The following FANCC variants were observed in gnomAD, a reference collection of about 807,000 sequenced individuals.
FANCC encodes FA complementation group C.
A neutral mutation model predicts 71.3 loss-of-function variants in FANCC; 55 were observed. The ratio of observed to expected loss-of-function variants is 0.77; its 90% CI spans 0.62 to 0.97. The LOEUF (loss-of-function observed/expected upper bound fraction) is 0.97. FANCC is among the 50% of genes least tolerant of loss of function. FANCC has a pLI of 0.00. For missense variants in FANCC, 678 were observed against 670.9 expected, an observed-to-expected ratio of 1.01 and a Z score of -0.12; for synonymous variants, 275 against 244.9, an observed-to-expected ratio of 1.12 and a Z score of -1.15.
intron 1 of FANCC, among the ~76,000 whole-genome samples, chr9:95,285,266 T>G (rs1343562344): frequency 1.3e-5 from 2 of 152,140 alleles, no homozygotes; most frequent in African/African-American, 2.4e-5. Flanking sequence ...GAGATAATAT[T>G]ATAAATTATT....
intron 3 of FANCC, among the ~76,000 whole-genome samples, chr9:95,245,570 T>C (rs767322066): frequency 2.6e-5 from 4 of 151,460 alleles, no homozygotes; most frequent in Admixed American, 1.3e-4. Flanking sequence ...CTACACTATA[T>C]TGTTACAGTT....
At chr9:95,109,666 T>C (rs2071752903) in intron 13 of FANCC, 1 of 152,238 alleles carries the variant, frequency 6.6e-6, no homozygotes. Context: ...TTTGCACCCA[T>C]GTTCTTCACC....
intron 7 of FANCC, among the ~76,000 whole-genome samples, chr9:95,147,795 G>T (rs1829761467): frequency 6.6e-6 from 1 of 152,160 alleles, no homozygotes; most frequent in Non-Finnish European, 1.5e-5. Flanking sequence ...ATGCAGATGT[G>T]ATAAATTAAT....
intron 7 of FANCC, among the ~76,000 whole-genome samples, chr9:95,137,578 G>C (rs796998639): frequency 3.3e-5 from 5 of 152,176 alleles, no homozygotes. Flanking sequence ...GAGAAGAAAT[G>C]ATTTCTGGAG....
chr9:95,287,102 A>T (rs540312774), intron 1 of FANCC, among the ~76,000 whole-genome samples: 19 of 152,238 alleles, frequency 1.2e-4, no homozygotes, highest in Middle Eastern at 3.4e-3. Context: ...CAGTCCCTAC[A>T]ATCCCACTAT....
At chr9:95,298,083 C>T (rs1052954642) in intron 1 of FANCC, among the ~76,000 whole-genome samples, 5 of 151,960 alleles carry the variant, frequency 3.3e-5, no homozygotes, top group Admixed American at 2.0e-4. Context: ...CCAGGGGAGA[C>T]AAGATCATAC....
chr9:95,099,915 A>T lies in FANCC; in HGVS notation c.*1792T>A, dbSNP rs2071021294. On this transcript the variant is annotated 3_prime_UTR_variant, in exon 15 of 15. Coordinates refer to ENST00000289081, the MANE Select transcript of FANCC (RefSeq NM_000136.3). Reference sequence around the variant, plus strand: ...AGAGGCCTGGCAGGGGAGGAGGAAGAGGCCAACCCTGTACACAGGACCACA... The same window carrying T: ...AGAGGCCTGGCAGGGGAGGAGGAAGTGGCCAACCCTGTACACAGGACCACA... The T allele has an allele frequency of 4.3e-6, 1 of 233,028 alleles. No homozygotes were observed. The highest frequency in any genetic ancestry group is 5.6e-5 in the Admixed American group (1 of 17,754). 14.4% of individuals were successfully genotyped at this position (233,028 alleles called of 1,614,324 possible). A position where few individuals can be genotyped will look rare whatever the true frequency, so the allele number is the denominator to read the frequency against.
intron 4 of FANCC, among the ~76,000 whole-genome samples, chr9:95,200,099 A>G (rs1204679382): frequency 6.6e-6 from 1 of 152,216 alleles, no homozygotes; most frequent in African/African-American, 2.4e-5. Flanking sequence ...CTTCAAGATT[A>G]CAGATGAATG....
intron 4 of FANCC, among the ~76,000 whole-genome samples, chr9:95,211,864 A>G (rs372594276): frequency 1.3e-5 from 2 of 151,918 alleles, no homozygotes; most frequent in African/African-American, 2.4e-5. Flanking sequence ...ATGGTAAGAA[A>G]AAAAAAAAAA....
At chr9:95,170,986 C>T (rs1216530090) in intron 6 of FANCC, 93 bp downstream of exon 6, 7 of 890,476 alleles carry the variant, frequency 7.9e-6, no homozygotes, top group Non-Finnish European at 1.3e-5. Flanking sequence ...CATAACTGAA[C>T]ATCCATTTCC....
chr9:95,253,970 G>C (rs561940662), intron 1 of FANCC, among the ~76,000 whole-genome samples: 1 of 152,192 alleles, frequency 6.6e-6, no homozygotes. Flanking sequence ...GACAGGGAGC[G>C]GAGCTCAACC....
At chr9:95,250,656 T>A (rs1048624282) in intron 1 of FANCC, among the ~76,000 whole-genome samples, 2 of 152,198 alleles carry the variant, frequency 1.3e-5, no homozygotes, top group African/African-American at 4.8e-5. Context: ...TGCCTCCTCA[T>A]TGTCTTCCTC....
chr9:95,298,475 A>G (rs1453948921), intron 1 of FANCC, among the ~76,000 whole-genome samples: 1 of 152,332 alleles, frequency 6.6e-6, no homozygotes, highest in East Asian at 1.9e-4. Flanking sequence ...AGATGTAGAA[A>G]CATCAACAGA....
At chr9:95,111,413 C>T in intron 13 of FANCC, 50 bp downstream of exon 13, 1 of 1,599,718 alleles carries the variant, frequency 6.3e-7, no homozygotes, top group South Asian at 1.1e-5. Flanking sequence ...AAGCTCCTCT[C>T]AGCCCCCCAG....
intron 6 of FANCC, among the ~76,000 whole-genome samples, chr9:95,155,267 GAGGAA>G (rs1183448743): frequency 2.7e-4 from 19 of 69,726 alleles, no homozygotes; most frequent in African/African-American, 4.1e-4. Flanking sequence ...GAGGGGAGGG[GAGGAA>G]AGGGGAGGGG....
chr9:95,156,094 C>T (rs1402014136), intron 6 of FANCC, among the ~76,000 whole-genome samples: 3 of 152,024 alleles, frequency 2.0e-5, no homozygotes, highest in African/African-American at 7.2e-5. Flanking sequence ...GAGGTTTATT[C>T]TCTAGTTTAT....
chr9:95,155,510 AT>A (rs1214197941), intron 6 of FANCC, among the ~76,000 whole-genome samples: 1 of 151,720 alleles, frequency 6.6e-6, no homozygotes, highest in Non-Finnish European at 1.5e-5. Flanking sequence ...CCTCTGGAGT[AT>A]TTTTTCCCCT....
intron 1 of FANCC, among the ~76,000 whole-genome samples, chr9:95,259,836 C>T (rs1371317788): frequency 6.6e-6 from 1 of 152,050 alleles, no homozygotes; most frequent in Non-Finnish European, 1.5e-5. Flanking sequence ...GAACTTAAAA[C>T]AAATTTACGA....
chr9:95,155,244 G>GGGGAA (rs1830390658), intron 6 of FANCC, among the ~76,000 whole-genome samples: 2 of 49,072 alleles, frequency 4.1e-5, no homozygotes, highest in African/African-American at 1.8e-4. Context: ...AAAAGAGAGA[G>GGGGAA]GGGAGGGGAG....
Sources: gnomAD v4.1 joint callset for allele counts (sites outside exome capture counted in the v4.1 genomes callset) on GRCh38, gnomAD v4.1.1 for gene constraint, MANE v1.5 for transcripts, NCBI Gene and HGNC (gene_info 2026-07-23, HGNC 2026-07-21) for gene names.